Variants in JAZF1 observed in about 807,000 individuals in gnomAD.
The protein encoded by JAZF1 is juxtaposed with another zinc finger protein 1.
Under a neutral mutation model 26.4 loss-of-function variants are expected in JAZF1, and 8 were observed. The ratio of observed to expected loss-of-function variants is 0.30; its 90% CI spans 0.18 to 0.55. The LOEUF (loss-of-function observed/expected upper bound fraction) is 0.55, where lower values mean the gene tolerates loss of function less well. Among genes scored for constraint, JAZF1 ranks in the 20% least tolerant of loss-of-function variants. The pLI, the probability that JAZF1 is intolerant of heterozygous loss-of-function variation, is 0.94. For synonymous variants in JAZF1, 126 were observed against 122.3 expected, an observed-to-expected ratio of 1.03 and a Z score of -0.20; for missense variants, 199 against 322.0, an observed-to-expected ratio of 0.62 and a Z score of 2.92.
Position 27,875,946 on chromosome 7 carries a change from A to G in JAZF1, c.385+19274T>C, listed in dbSNP as rs146660728. 4.5e-3 allele frequency among the ~76,000 whole-genome samples: 683 copies of G among 152,368 alleles called. 2 individuals carry two copies. The highest frequency in any genetic ancestry group is 0.016 in the African/African-American group (648 of 41,596). On this transcript the variant is annotated intron_variant, in intron 3 of 4. Coordinates refer to ENST00000283928, the MANE Select transcript of JAZF1 (RefSeq NM_175061.4). ...TTTCCAGTCATTCCTAAGTCCTCAG[A>G]GGCAGCAGAGGAGAGCACTCAGGAG...
At chr7:27,941,375 C>T (rs974329463) in intron 2 of JAZF1, among the ~76,000 whole-genome samples, 2 of 152,124 alleles carry the variant, frequency 1.3e-5, no homozygotes, top group South Asian at 2.1e-4. Context: ...GTTACTACTT[C>T]GCCTAATTTT....
chr7:27,833,513 C>G (rs1219024733), intron 4 of JAZF1, among the ~76,000 whole-genome samples: 2 of 152,330 alleles, frequency 1.3e-5, no homozygotes, highest in East Asian at 3.9e-4. Context: ...GTTTTCTGCT[C>G]TGCACTAAGC....
chr7:28,108,225 G>A (rs554679477), intron 1 of JAZF1, among the ~76,000 whole-genome samples: 5 of 152,256 alleles, frequency 3.3e-5, no homozygotes, highest in South Asian at 2.1e-4. Context: ...TTTCCTAGTC[G>A]AGACAGTCAT....
chr7:28,180,391 C>T, intron 1 of JAZF1, 72 bp downstream of exon 1: 1 of 1,262,990 alleles, frequency 7.9e-7, no homozygotes, highest in Non-Finnish European at 1.1e-6. Flanking sequence ...CACCCCTGGC[C>T]ATTCCGGGGC....
chr7:27,924,592 G>C (rs1001436326), intron 2 of JAZF1, among the ~76,000 whole-genome samples: 19 of 152,164 alleles, frequency 1.2e-4, no homozygotes, highest in African/African-American at 4.6e-4. Flanking sequence ...TTCTAAAGCT[G>C]CTTCTCATGG....
chr7:27,988,520 T>G (rs1024044999), intron 2 of JAZF1, among the ~76,000 whole-genome samples: 1 of 151,966 alleles, frequency 6.6e-6, no homozygotes, highest in African/African-American at 2.4e-5. Flanking sequence ...GGGATACAGG[T>G]GTACACTACC....
chr7:27,878,361 C>T (rs1783716435), intron 3 of JAZF1, among the ~76,000 whole-genome samples: 1 of 136,844 alleles, frequency 7.3e-6, no homozygotes, highest in South Asian at 2.5e-4. Flanking sequence ...CATTACAACT[C>T]AGAAAACATC....
intron 2 of JAZF1, among the ~76,000 whole-genome samples, chr7:27,917,489 A>G (rs1784460932): frequency 6.6e-6 from 1 of 152,222 alleles, no homozygotes; most frequent in Admixed American, 6.5e-5. Flanking sequence ...ATGTCTAACA[A>G]GTTCCCAGGT....
chr7:28,019,082 G>A (rs1298943338), intron 1 of JAZF1, among the ~76,000 whole-genome samples: 1 of 152,174 alleles, frequency 6.6e-6, no homozygotes, highest in Non-Finnish European at 1.5e-5. Flanking sequence ...AGTCATCCTT[G>A]TGGCTCCTCT....
chr7:27,982,846 C>G (rs1053121976), intron 2 of JAZF1, among the ~76,000 whole-genome samples: 4 of 152,138 alleles, frequency 2.6e-5, no homozygotes, highest in African/African-American at 9.7e-5. Context: ...GAGAGGACCT[C>G]CAGCAAACTC....
intron 3 of JAZF1, among the ~76,000 whole-genome samples, chr7:27,864,425 C>T (rs1484428458): frequency 1.3e-5 from 2 of 152,170 alleles, no homozygotes; most frequent in South Asian, 2.1e-4. Flanking sequence ...CCCCTTCATC[C>T]TTTTCTTCTT....
chr7:27,908,968 ATTAGG>A (rs1310854781), intron 2 of JAZF1, among the ~76,000 whole-genome samples: 1 of 151,986 alleles, frequency 6.6e-6, no homozygotes, highest in African/African-American at 2.4e-5. Context: ...TTCAGGTATT[ATTAGG>A]TTATTCAGGT....
intron 2 of JAZF1, among the ~76,000 whole-genome samples, chr7:27,936,941 T>C (rs1335684202): frequency 2.0e-5 from 3 of 152,234 alleles, no homozygotes; most frequent in Admixed American, 1.3e-4. Context: ...ACTCTAAGTT[T>C]AAGTATCCCA....
At chr7:28,144,538 C>T (rs1319321454) in intron 1 of JAZF1, among the ~76,000 whole-genome samples, 1 of 152,250 alleles carries the variant, frequency 6.6e-6, no homozygotes, top group Non-Finnish European at 1.5e-5. Flanking sequence ...ACCACTCTGT[C>T]ACCAGGAGGC....
chr7:28,088,979 A>G (rs1240114657), intron 1 of JAZF1, among the ~76,000 whole-genome samples: 2 of 152,194 alleles, frequency 1.3e-5, no homozygotes, highest in Non-Finnish European at 2.9e-5. Context: ...CATACTCATC[A>G]TATTTCCAAT....
intron 1 of JAZF1, among the ~76,000 whole-genome samples, chr7:28,162,124 C>T (rs1023656536): frequency 2.6e-5 from 4 of 152,206 alleles, no homozygotes; most frequent in African/African-American, 7.2e-5. Context: ...ACAGCAGGCT[C>T]ACTTATTTGG....
intron 2 of JAZF1, among the ~76,000 whole-genome samples, chr7:27,974,995 C>T (rs749307161): frequency 4.0e-5 from 6 of 151,794 alleles, no homozygotes; most frequent in Non-Finnish European, 8.8e-5. Context: ...AGCCATTCTC[C>T]TGCCTCAGCC....
In JAZF1 at chr7:28,107,476, T is replaced by G. The variant is rs572009810; in HGVS notation, c.115+72987A>C. Reference sequence around the variant, plus strand: ...CCCTCCAAATTGATGAAACCTAAACTGGAGATGTGTTTCATGACATACAGC... The same window carrying G: ...CCCTCCAAATTGATGAAACCTAAACGGGAGATGTGTTTCATGACATACAGC... On this transcript the variant is annotated intron_variant, in intron 1 of 4. Transcript: ENST00000283928. Among the ~76,000 whole-genome samples the G allele has an allele frequency of 4.1e-4, 63 of 152,290 alleles. No individual in the cohort carries two copies. In the Middle Eastern group the frequency reaches 0.01, roughly 25 times the overall value.
At chr7:28,135,758 T>C (rs1359789012) in intron 1 of JAZF1, among the ~76,000 whole-genome samples, 1 of 152,164 alleles carries the variant, frequency 6.6e-6, no homozygotes, top group Non-Finnish European at 1.5e-5. Context: ...GCAGTGACAT[T>C]TACAGCAACA....
Sources: allele counts gnomAD v4.1 joint callset (sites outside exome capture counted in the v4.1 genomes callset), GRCh38; gene constraint gnomAD v4.1.1; transcripts MANE v1.5; gene names NCBI Gene and HGNC (gene_info 2026-07-23, HGNC 2026-07-21).